Variants in EFR3B observed in about 807,000 individuals in gnomAD.
EFR3B encodes EFR3 homolog B.
A neutral mutation model predicts 104.7 loss-of-function variants in EFR3B; 64 were observed. The ratio of observed to expected loss-of-function variants is 0.61; its 90% confidence interval spans 0.50 to 0.75. The LOEUF is 0.75. Among genes scored for constraint, EFR3B ranks in the 30% least tolerant of loss-of-function variants. The pLI, the probability that EFR3B is intolerant of heterozygous loss-of-function variation, is 0.00. For synonymous variants in EFR3B, 385 were observed against 417.9 expected (o/e 0.92, Z 0.96); for missense variants, 750 against 1,078.5 (o/e 0.70, Z 4.27).
chr2:25,046,798 CG>C (rs1667733855), intron 1 of EFR3B, among the ~76,000 whole-genome samples: 1 of 152,188 alleles, frequency 6.6e-6, no homozygotes, highest in African/African-American at 2.4e-5. Context: ...CCACCGCGCC[CG>C]GCCGAAGTAC....
At chr2:25,043,982 G>A (rs1667648706) in intron 1 of EFR3B, among the ~76,000 whole-genome samples, 1 of 152,222 alleles carries the variant, frequency 6.6e-6, no homozygotes, top group Non-Finnish European at 1.5e-5. Context: ...ATATCTGAAG[G>A]TGGGGGTCCC....
chr2:25,066,406 A>G lies in EFR3B; in HGVS notation c.7+24087A>G, dbSNP rs114929722. On this transcript the variant is annotated intron_variant, in intron 1 of 22. Transcript: ENST00000403714. ...CCTTTCACCTTCGGTCCCCTCCCTG[A>G]CACCTCCAGCTTTACCAGTGCTACT... 8.9e-3 allele frequency among the ~76,000 whole-genome samples: 1,347 copies of G among 151,856 alleles called. 21 individuals are homozygous for G. Among genetic ancestry groups the G allele is most frequent in the African/African-American group, 0.031 (1,290 of 41,212 alleles).
intron 5 of EFR3B, among the ~76,000 whole-genome samples, chr2:25,125,792 C>CA (rs947299941): frequency 7.9e-5 from 12 of 152,206 alleles, no homozygotes; most frequent in South Asian, 6.2e-4. Context: ...ACTAAAAATA[C>CA]AAAAAAATAG....
At chr2:25,083,670 C>T (rs1668872332) in intron 1 of EFR3B, among the ~76,000 whole-genome samples, 1 of 152,168 alleles carries the variant, frequency 6.6e-6, no homozygotes, top group Non-Finnish European at 1.5e-5. Context: ...CTGGGAATCT[C>T]CTGCCATCAG....
intron 1 of EFR3B, among the ~76,000 whole-genome samples, chr2:25,063,479 G>T (rs1054056692): frequency 6.6e-6 from 1 of 152,190 alleles, no homozygotes; most frequent in Non-Finnish European, 1.5e-5. Context: ...CAGGCCAGGG[G>T]TTAAGTGTGA....
In EFR3B at chr2:25,158,119, G is replaced by A. The variant is rs1392622651; in HGVS notation, c.*3779G>A. On this transcript the variant is annotated 3_prime_UTR_variant, in exon 23 of 23. Transcript: ENST00000403714. ...TGAACAGCTCAGGCCAGACCTCTGG[G>A]CTCCTCTGGGGGCCCTGGGACATGA... 6.6e-6 allele frequency: 1 copy of A among 152,282 alleles called. No homozygotes were observed. Among genetic ancestry groups the A allele is most frequent in the Non-Finnish European group, 1.5e-5 (1 of 68,082 alleles). 9.4% of individuals were successfully genotyped at this position (152,282 alleles called of 1,614,324 possible).
intron 1 of EFR3B, among the ~76,000 whole-genome samples, chr2:25,049,754 C>A (rs182368144): frequency 1.3e-5 from 2 of 151,996 alleles, no homozygotes; most frequent in East Asian, 3.9e-4. Flanking sequence ...TGGGGAAGAC[C>A]TGTCCAGCGA....
At position 25,067,868 on chromosome 2, in the gene EFR3B, TG is replaced by T. The variant is rs35781961; in HGVS notation, c.8-23453del. On this transcript the variant is annotated intron_variant, in intron 1 of 22. Coordinates refer to ENST00000403714, the MANE Select transcript of EFR3B (RefSeq NM_014971.2). ...TTTCTTTTGGAAAAAAAAATAGAGA[TG>T]GGGATCTCGCCATATTGCTCAGGCT... Among the ~76,000 whole-genome samples, 183 of 152,114 alleles carry T rather than the reference TG, an allele frequency of 1.2e-3. 2 individuals are homozygous for T. Among genetic ancestry groups the T allele is most frequent in the Admixed American group, 0.011 (164 of 15,266 alleles).
chr2:25,149,994 A>G (rs2149214138), intron 20 of EFR3B, among the ~76,000 whole-genome samples: 1 of 152,308 alleles, frequency 6.6e-6, no homozygotes, highest in African/African-American at 2.4e-5. Flanking sequence ...GCCAGTAAAG[A>G]CAGCTGCCTT....
intron 4 of EFR3B, among the ~76,000 whole-genome samples, chr2:25,118,238 C>G (rs1669916735): frequency 1.3e-5 from 2 of 152,196 alleles, no homozygotes; most frequent in South Asian, 4.1e-4. Context: ...GCCTCCGCCT[C>G]CAAAAGTGCT....
At position 25,155,125 on chromosome 2, in the gene EFR3B, T is replaced by A. The variant is rs184565651; in HGVS notation, c.*785T>A. ...TCAGAGTTGGGTTCTCTCTCTTTGATGTCTTTCTTCTGAGGGTCCCAAGGT... is the reference window on the plus strand; with the variant it reads ...TCAGAGTTGGGTTCTCTCTCTTTGAAGTCTTTCTTCTGAGGGTCCCAAGGT... On this transcript the variant is annotated 3_prime_UTR_variant, in exon 23 of 23. Transcript: ENST00000403714. 61 of 152,462 alleles carry A rather than the reference T, an allele frequency of 4.0e-4. No individual in the cohort carries two copies. The highest frequency in any genetic ancestry group is 1.4e-3 in the African/African-American group (60 of 41,568). The allele number at this position is 152,462 out of a possible 1,614,324, so 9.4% of individuals were successfully genotyped here. A position where few individuals can be genotyped will look rare whatever the true frequency, so the allele number is the denominator to read the frequency against.
At chr2:25,113,249 CCAAA>C (rs912513201) in intron 4 of EFR3B, among the ~76,000 whole-genome samples, 8 of 152,070 alleles carry the variant, frequency 5.3e-5, no homozygotes, top group African/African-American at 1.4e-4. Flanking sequence ...AACCAAATAA[CCAAA>C]CAAACAAACA....
chr2:25,149,494 C>T (rs886109127), intron 19 of EFR3B, among the ~76,000 whole-genome samples, 200 bp from the exon 20 acceptor site: 37 of 152,152 alleles, frequency 2.4e-4, no homozygotes, highest in Non-Finnish European at 5.3e-4. Context: ...GAATGAGCTT[C>T]CCCGCTGCAT....
intron 3 of EFR3B, among the ~76,000 whole-genome samples, chr2:25,098,474 G>C (rs1669342823): frequency 6.6e-6 from 1 of 152,160 alleles, no homozygotes; most frequent in Non-Finnish European, 1.5e-5. Context: ...CCCCAGATCA[G>C]ATCTCTGCTG....
chr2:25,117,205 C>A (rs574988139), intron 4 of EFR3B, among the ~76,000 whole-genome samples: 1 of 152,208 alleles, frequency 6.6e-6, no homozygotes, highest in South Asian at 2.1e-4. Context: ...CCCCTGCCTG[C>A]GGCTCCCAGG....
intron 5 of EFR3B, among the ~76,000 whole-genome samples, chr2:25,125,997 A>G (rs1463329712): frequency 6.6e-6 from 1 of 152,248 alleles, no homozygotes; most frequent in East Asian, 1.9e-4. Context: ...CTCATCTCCA[A>G]TAATCACAAA....
At chr2:25,120,637 C>T (rs532645283) in intron 4 of EFR3B, among the ~76,000 whole-genome samples, 5 of 141,010 alleles carry the variant, frequency 3.5e-5, no homozygotes, top group Non-Finnish European at 6.0e-5. Flanking sequence ...AGCAAGACTC[C>T]GTCTCAAAAA....
At chr2:25,091,450 G>A in intron 2 of EFR3B, 49 bp downstream of exon 2, 1 of 1,501,528 alleles carries the variant, frequency 6.7e-7, no homozygotes, top group Non-Finnish European at 8.9e-7. Context: ...TCCAGGCAGG[G>A]CCTCTGACGG....
intron 1 of EFR3B, among the ~76,000 whole-genome samples, chr2:25,088,975 TCC>T (rs760202380): frequency 1.3e-5 from 2 of 152,154 alleles, no homozygotes; most frequent in African/African-American, 2.4e-5. Context: ...TGGGACTGGT[TCC>T]CGCCCACCAT....
Sources: allele counts gnomAD v4.1 joint callset (sites outside exome capture counted in the v4.1 genomes callset), GRCh38; gene constraint gnomAD v4.1.1; transcripts MANE v1.5; gene names NCBI Gene and HGNC (gene_info 2026-07-23, HGNC 2026-07-21).